The following SLC24A2 variants were observed in gnomAD, a reference collection of about 807,000 sequenced individuals.
The protein encoded by SLC24A2 is sodium/potassium/calcium exchanger 2.
Under a neutral mutation model 62.0 loss-of-function variants are expected in SLC24A2, and 36 were observed. That is an observed-to-expected ratio of 0.58 (90% CI 0.44 to 0.77). The LOEUF is 0.77. Among genes scored for constraint, SLC24A2 ranks in the 30% least tolerant of loss-of-function variants. The pLI is 0.00. For synonymous variants in SLC24A2, 358 were observed against 294.0 expected (o/e 1.22, Z -2.23); for missense variants, 846 against 817.9 (o/e 1.03, Z -0.42).
chr9:20,114,199 C>A, the SLC24A2 span, among the ~76,000 whole-genome samples: 1,447 of 152,120 alleles, frequency 9.5e-3, 18 homozygotes, highest in African/African-American at 0.033. Context: ...CCAAATAGCA[C>A]GTTTGTGTGA....
At position 19,515,585 on chromosome 9, in the gene SLC24A2, A is replaced by C. The variant is rs192796052; in HGVS notation, c.*568T>G. 6.6e-6 allele frequency: 1 copy of C among 152,432 alleles called. No individual in the cohort carries two copies. The highest frequency in any genetic ancestry group is 1.9e-4 in the East Asian group (1 of 5,198). The allele number at this position is 152,432 out of a possible 1,614,324, so 9.4% of individuals were successfully genotyped here. On this transcript the variant is annotated 3_prime_UTR_variant, in exon 11 of 11. Transcript: ENST00000341998. ...TTCCATTAGTTCACCTCTTGTACTT[A>C]AGAGGTAAAGCCCAGACTGCAAGTT...
chr9:19,649,016 A>AAT (rs1385203952), intron 2 of SLC24A2, among the ~76,000 whole-genome samples: 2 of 151,482 alleles, frequency 1.3e-5, no homozygotes, highest in Non-Finnish European at 2.9e-5. Context: ...AAAAAAAAAA[A>AAT]AAACAAAAAA....
the SLC24A2 span, among the ~76,000 whole-genome samples, chr9:20,117,732 C>T: frequency 6.6e-6 from 1 of 152,098 alleles, no homozygotes; most frequent in African/African-American, 2.4e-5. Context: ...ACTATTTCCC[C>T]TTTACAATAG....
At chr9:20,211,835 G>GT in the SLC24A2 span, among the ~76,000 whole-genome samples, 2 of 151,896 alleles carry the variant, frequency 1.3e-5, no homozygotes, top group South Asian at 4.1e-4. Context: ...GTTTGTGTTT[G>GT]TTTTTTACTT....
chr9:20,051,655 C>A, the SLC24A2 span, among the ~76,000 whole-genome samples: 3 of 46,080 alleles, frequency 6.5e-5, no homozygotes, highest in Non-Finnish European at 1.1e-4. Context: ...TTTTTTCTTT[C>A]TCTTTTTTTT....
At chr9:20,289,169 G>C in the SLC24A2 span, among the ~76,000 whole-genome samples, 4 of 152,122 alleles carry the variant, frequency 2.6e-5, no homozygotes, top group African/African-American at 7.2e-5. Flanking sequence ...CTAAGTTTAG[G>C]GGGCAGTTTG....
chr9:19,801,837 T>A, the SLC24A2 span, among the ~76,000 whole-genome samples: 1 of 149,584 alleles, frequency 6.7e-6, no homozygotes, highest in Admixed American at 6.6e-5. Flanking sequence ...ATAATCACTG[T>A]TTTTTTTTCT....
rs371990836 is a variant in SLC24A2, at chr9:19,672,054, T to C, written c.931-49755A>G. 1.5e-4 allele frequency among the ~76,000 whole-genome samples: 22 copies of C among 146,472 alleles called. 4 individuals carry two copies. The highest frequency in any genetic ancestry group is 5.3e-4 in the Admixed American group (8 of 14,986). On this transcript the variant is annotated intron_variant, in intron 2 of 10. Transcript: ENST00000341998. ...TCCTTTCCTGGCTTTGGTATTAGGG[T>C]GATACCGGCTTCACAGAATGATTTA...
At chr9:20,259,376 C>A in the SLC24A2 span, among the ~76,000 whole-genome samples, 2 of 152,106 alleles carry the variant, frequency 1.3e-5, no homozygotes, top group East Asian at 3.9e-4. Context: ...AATCACATCA[C>A]CCCAGCCCTA....
chr9:19,551,295 G>C (rs1834832284), intron 7 of SLC24A2, among the ~76,000 whole-genome samples: 1 of 152,188 alleles, frequency 6.6e-6, no homozygotes. Flanking sequence ...CGGGGTGTCG[G>C]AGCCAGGGAA....
chr9:19,829,137 C>T, the SLC24A2 span, among the ~76,000 whole-genome samples: 1 of 152,348 alleles, frequency 6.6e-6, no homozygotes, highest in Non-Finnish European at 1.5e-5. Context: ...ACAATACCTT[C>T]TTCATGTACC....
At chr9:20,178,951 T>C in the SLC24A2 span, among the ~76,000 whole-genome samples, 1 of 152,118 alleles carries the variant, frequency 6.6e-6, no homozygotes, top group African/African-American at 2.4e-5. Context: ...TAAGACCAGC[T>C]TGGGCTCAGA....
chr9:20,027,051 T>G, the SLC24A2 span, among the ~76,000 whole-genome samples: 1 of 152,062 alleles, frequency 6.6e-6, no homozygotes, highest in South Asian at 2.1e-4. Context: ...ATGGCCAACA[T>G]GTATATTAAA....
the SLC24A2 span, among the ~76,000 whole-genome samples, chr9:20,032,388 TAATG>T: frequency 6.8e-6 from 1 of 147,538 alleles, no homozygotes; most frequent in Non-Finnish European, 1.5e-5. Context: ...AGAGGTTAAA[TAATG>T]AATTATTAAT....
the SLC24A2 span, among the ~76,000 whole-genome samples, chr9:20,250,821 T>C: frequency 1.1e-4 from 16 of 152,336 alleles, no homozygotes; most frequent in African/African-American, 3.6e-4. Context: ...AATGACTATA[T>C]GGGTCACATA....
chr9:19,664,547 G>T (rs181537843), intron 2 of SLC24A2, among the ~76,000 whole-genome samples: 8 of 152,348 alleles, frequency 5.3e-5, no homozygotes, highest in Admixed American at 2.6e-4. Flanking sequence ...AGGTTGAATT[G>T]TGTCTCCCCA....
At chr9:19,919,049 T>G in the SLC24A2 span, among the ~76,000 whole-genome samples, 1 of 152,232 alleles carries the variant, frequency 6.6e-6, no homozygotes, top group African/African-American at 2.4e-5. Flanking sequence ...GATATCACAC[T>G]GAATGGGATT....
chr9:19,994,723 C>T, the SLC24A2 span, among the ~76,000 whole-genome samples: 18 of 152,184 alleles, frequency 1.2e-4, no homozygotes, highest in Admixed American at 5.9e-4. Flanking sequence ...CCATCTACTT[C>T]CCTGAAGATA....
chr9:20,152,285 T>C, the SLC24A2 span, among the ~76,000 whole-genome samples: 2 of 151,918 alleles, frequency 1.3e-5, no homozygotes, highest in African/African-American at 2.4e-5. Context: ...TCTTTGGGGA[T>C]TGATTTAAGA....
Sources: gnomAD v4.1 joint callset for allele counts (sites outside exome capture counted in the v4.1 genomes callset) on GRCh38, gnomAD v4.1.1 for gene constraint, MANE v1.5 for transcripts, NCBI Gene and HGNC (gene_info 2026-07-23, HGNC 2026-07-21) for gene names.